The following MAGI2 variants were observed in gnomAD, a reference collection of about 807,000 sequenced individuals.
MAGI2 encodes membrane associated guanylate kinase, WW and PDZ domain containing 2, also known as membrane-associated guanylate kinase, WW and PDZ domain-containing protein 2.
MAGI2 carries 35 observed loss-of-function variants against 133.3 expected under a neutral mutation model. The observed-to-expected ratio is 0.26, with a 90% CI of 0.20 to 0.35. The LOEUF is 0.35. Among genes scored for constraint, MAGI2 ranks in the 10% least tolerant of loss-of-function variants. The probability of loss-of-function intolerance (pLI) is 1.00; values close to 1 mark genes in which losing one functional copy is unlikely to be tolerated. For synonymous variants in MAGI2, 729 were observed against 710.6 expected (o/e 1.03, Z -0.41); for missense variants, 1,636 against 1,863.4 (o/e 0.88, Z 2.25).
chr7:78,304,956 CT>C (rs1173531963), intron 9 of MAGI2, among the ~76,000 whole-genome samples: 11 of 152,188 alleles, frequency 7.2e-5, no homozygotes, highest in African/African-American at 2.7e-4. Flanking sequence ...TGGAGTAGCA[CT>C]TCTACCACCT....
At chr7:78,388,142 A>G (rs1461053205) in intron 6 of MAGI2, among the ~76,000 whole-genome samples, 1 of 152,124 alleles carries the variant, frequency 6.6e-6, no homozygotes, top group Admixed American at 6.6e-5. Context: ...GTTTTCTTGC[A>G]TAAGCCTCAG....
At chr7:78,127,112 T>A in intron 19 of MAGI2, 85 bp downstream of exon 19, 1 of 1,112,828 alleles carries the variant, frequency 9.0e-7, no homozygotes, top group Non-Finnish European at 1.3e-6. Context: ...AGACAGGTAC[T>A]CTTTCCTCTG....
intron 6 of MAGI2, among the ~76,000 whole-genome samples, chr7:78,459,970 A>G (rs1278256902): frequency 7.2e-5 from 11 of 152,350 alleles, no homozygotes; most frequent in Admixed American, 5.9e-4. Context: ...CCATGAATGG[A>G]CATCTGTTGG....
intron 3 of MAGI2, among the ~76,000 whole-genome samples, chr7:78,597,080 G>A (rs1379307351): frequency 6.6e-6 from 1 of 152,162 alleles, no homozygotes; most frequent in East Asian, 1.9e-4. Flanking sequence ...TGCAATAAAA[G>A]TTAGAGAAAA....
Position 78,781,584 on chromosome 7 carries a change from C to A in MAGI2, c.419-154345G>T, listed in dbSNP as rs1826406117. Among the ~76,000 whole-genome samples the A allele has an allele frequency of 2.0e-5, 3 of 152,152 alleles. No individual in the cohort carries two copies. The South Asian group carries it at 6.2e-4, about 32-fold the overall frequency. ...AAATGGGAACTAAATTGAGGAACAA[C>A]TTCCCTCTTCAAGATTTATGATAAA... On this transcript the variant is annotated intron_variant, in intron 2 of 21. Transcript: ENST00000354212.
At chr7:79,087,123 A>T (rs1200432066) in intron 1 of MAGI2, among the ~76,000 whole-genome samples, 1 of 151,926 alleles carries the variant, frequency 6.6e-6, no homozygotes, top group Non-Finnish European at 1.5e-5. Flanking sequence ...AAGAAAAATA[A>T]TTACTTGATT....
At chr7:78,739,557 T>TGACAGAAAGCAAAATCACTACCTCTAACA (rs1822195049) in intron 2 of MAGI2, among the ~76,000 whole-genome samples, 1 of 152,108 alleles carries the variant, frequency 6.6e-6, no homozygotes, top group South Asian at 2.1e-4. Context: ...CACGAGCACA[T>TGACAGAAAGCAAAATCACTACCTCTAACA]GACAGAAAGC....
intron 2 of MAGI2, among the ~76,000 whole-genome samples, chr7:78,827,093 G>C (rs1790728272): frequency 6.6e-6 from 1 of 151,986 alleles, no homozygotes; most frequent in Non-Finnish European, 1.5e-5. Context: ...GCTTCATATA[G>C]ATACATTAAA....
In MAGI2 at chr7:78,203,269, A is replaced by G. The variant is rs1829436316; in HGVS notation, c.2048-2076T>C. ...GGTGCTGGGATTCTTAGACTTTGAT[A>G]CAGAGGTATTGAAAATAGTTCCTCT... On this transcript the variant is annotated intron_variant, in intron 10 of 21. Coordinates refer to ENST00000354212, the MANE Select transcript of MAGI2 (RefSeq NM_012301.4). 2.0e-5 allele frequency among the ~76,000 whole-genome samples: 3 copies of G among 152,238 alleles called. No individual in the cohort carries two copies. In the South Asian group the frequency reaches 6.2e-4, roughly 31 times the overall value.
chr7:78,812,844 G>T (rs991860596), intron 2 of MAGI2, among the ~76,000 whole-genome samples: 1 of 152,102 alleles, frequency 6.6e-6, no homozygotes, highest in African/African-American at 2.4e-5. Flanking sequence ...TGTGGTTTTA[G>T]GAACAAATCA....
intron 4 of MAGI2, among the ~76,000 whole-genome samples, chr7:78,510,868 T>C (rs953318822): frequency 6.6e-6 from 1 of 152,208 alleles, no homozygotes; most frequent in Admixed American, 6.5e-5. Flanking sequence ...CCCAATTTTA[T>C]ACTGGTCCAA....
intron 20 of MAGI2, among the ~76,000 whole-genome samples, chr7:78,093,552 G>C (rs1817436142): frequency 6.6e-6 from 1 of 152,198 alleles, no homozygotes; most frequent in Non-Finnish European, 1.5e-5. Flanking sequence ...AATTTGATGT[G>C]AAGTCACAAG....
In MAGI2 at chr7:78,656,581, T is replaced by TA. The variant is rs201502395; in HGVS notation, c.419-29343dup. Among the ~76,000 whole-genome samples, 894 of 152,232 alleles carry TA rather than the reference T, an allele frequency of 5.9e-3. 5 individuals carry two copies. The highest frequency in any genetic ancestry group is 0.02 in the African/African-American group (840 of 41,536). On this transcript the variant is annotated intron_variant, in intron 2 of 21. Transcript: ENST00000354212. ...TGGTCAAAGAGTACAAAGTTGCAGT[T>TA]ATGTAAAATGTAAATCTAGAGATCT...
At chr7:78,635,491 C>T (rs751734868) in intron 2 of MAGI2, among the ~76,000 whole-genome samples, 7 of 152,120 alleles carry the variant, frequency 4.6e-5, no homozygotes, top group African/African-American at 7.2e-5. Context: ...TAGTGCTTGC[C>T]GCATGGCAGG....
chr7:78,833,423 C>T (rs1791362986), intron 2 of MAGI2, among the ~76,000 whole-genome samples: 1 of 152,144 alleles, frequency 6.6e-6, no homozygotes, highest in Admixed American at 6.5e-5. Context: ...CAGTGACCCC[C>T]CTGGACTCAG....
chr7:78,558,441 T>G (rs1383564161), intron 3 of MAGI2, among the ~76,000 whole-genome samples: 1 of 152,162 alleles, frequency 6.6e-6, no homozygotes, highest in African/African-American at 2.4e-5. Context: ...AGTAATAATT[T>G]CTAAATTTCC....
intron 2 of MAGI2, among the ~76,000 whole-genome samples, chr7:78,872,687 G>T (rs1221819522): frequency 1.3e-5 from 2 of 151,094 alleles, no homozygotes; most frequent in Non-Finnish European, 3.0e-5. Flanking sequence ...TATGCTTTTA[G>T]TTGTTTGTTC....
At chr7:79,401,111 T>C (rs1348648765) in intron 1 of MAGI2, among the ~76,000 whole-genome samples, 1 of 152,208 alleles carries the variant, frequency 6.6e-6, no homozygotes, top group African/African-American at 2.4e-5. Context: ...CAGAGTATTA[T>C]GCCATAACAA....
intron 9 of MAGI2, among the ~76,000 whole-genome samples, chr7:78,323,627 A>C (rs1206176658): frequency 2.0e-5 from 3 of 152,064 alleles, no homozygotes; most frequent in African/African-American, 7.2e-5. Flanking sequence ...TTATGGTCAT[A>C]GTTTTTTTTG....
Sources: gnomAD v4.1 joint callset for allele counts (sites outside exome capture counted in the v4.1 genomes callset) on GRCh38, gnomAD v4.1.1 for gene constraint, MANE v1.5 for transcripts, NCBI Gene and HGNC (gene_info 2026-07-23, HGNC 2026-07-21) for gene names.